Variants in RGS9 observed in about 807,000 individuals in gnomAD.
RGS9 encodes the protein regulator of G-protein signalling 9.
Under a neutral mutation model 102.0 loss-of-function variants are expected in RGS9, and 78 were observed. The observed-to-expected ratio is 0.76, with a 90% confidence interval of 0.64 to 0.92. The LOEUF (loss-of-function observed/expected upper bound fraction) is 0.92, where lower values mean the gene tolerates loss of function less well. RGS9 is among the 40% of genes least tolerant of loss of function. The pLI, the probability that RGS9 is intolerant of heterozygous loss-of-function variation, is 0.00. For synonymous variants in RGS9, 353 were observed against 318.6 expected (o/e 1.11, Z -1.15); for missense variants, 833 against 866.1 (o/e 0.96, Z 0.48).
At chr17:65,188,037 T>G (rs1264697947) in intron 9 of RGS9, among the ~76,000 whole-genome samples, 5 of 151,950 alleles carry the variant, frequency 3.3e-5, no homozygotes, top group African/African-American at 2.4e-5. Context: ...AAAAAGAGGC[T>G]CCTCTTGAAG....
intron 13 of RGS9, among the ~76,000 whole-genome samples, chr17:65,198,337 C>T (rs911445841): frequency 2.6e-5 from 4 of 151,938 alleles, no homozygotes; most frequent in Admixed American, 2.0e-4. Flanking sequence ...CTCACTGCAA[C>T]CATTGCCTCC....
chr17:65,219,160 G>A (rs1453428985), intron 17 of RGS9, among the ~76,000 whole-genome samples: 5 of 152,180 alleles, frequency 3.3e-5, no homozygotes, highest in Admixed American at 2.6e-4. Context: ...AGGGCTGTGT[G>A]CATTTGTGTG....
intron 2 of RGS9, among the ~76,000 whole-genome samples, chr17:65,157,200 A>T (rs546246980): frequency 8.5e-5 from 13 of 152,288 alleles, no homozygotes; most frequent in African/African-American, 3.1e-4. Context: ...CCATGCAGAC[A>T]GGCTTCCAGC....
chr17:65,226,501 G>A (rs1905686087), intron 18 of RGS9, among the ~76,000 whole-genome samples: 2 of 152,102 alleles, frequency 1.3e-5, no homozygotes, highest in African/African-American at 4.8e-5. Flanking sequence ...CCCTGCAGAG[G>A]GAATATTCCA....
At chr17:65,197,879 C>T (rs1223723869) in intron 13 of RGS9, among the ~76,000 whole-genome samples, 1 of 152,028 alleles carries the variant, frequency 6.6e-6, no homozygotes, top group Non-Finnish European at 1.5e-5. Context: ...CCATATTGGC[C>T]ACGCTGGTCT....
At chr17:65,216,497 C>T (rs770915830) in intron 17 of RGS9, among the ~76,000 whole-genome samples, 30 of 152,228 alleles carry the variant, frequency 2.0e-4, no homozygotes, top group Non-Finnish European at 2.6e-4. Context: ...ATTAGCCGGG[C>T]GTGGTGGCAG....
intron 8 of RGS9, among the ~76,000 whole-genome samples, chr17:65,176,775 C>T (rs1288705111): frequency 6.7e-6 from 1 of 148,826 alleles, no homozygotes; most frequent in Non-Finnish European, 1.5e-5. Context: ...ATCCGTCTAT[C>T]TCTTCACCTA....
intron 9 of RGS9, chr17:65,188,624 C>CT (rs1567879321): frequency 1.3e-5 from 2 of 152,224 alleles, no homozygotes; most frequent in African/African-American, 2.4e-5. Flanking sequence ...TCTCTTTTTT[C>CT]TTTTTTGAGA....
chr17:65,199,048 T>C (rs959106939), intron 13 of RGS9, among the ~76,000 whole-genome samples: 5 of 152,166 alleles, frequency 3.3e-5, no homozygotes, highest in Non-Finnish European at 5.9e-5. Flanking sequence ...ATTTAAACCG[T>C]ATTATTAGCA....
intron 13 of RGS9, among the ~76,000 whole-genome samples, chr17:65,199,303 A>G (rs1437361006): frequency 6.6e-6 from 1 of 152,076 alleles, no homozygotes; most frequent in African/African-American, 2.4e-5. Flanking sequence ...ATCATCTTCT[A>G]TTCCTGCTTC....
intron 13 of RGS9, among the ~76,000 whole-genome samples, chr17:65,197,706 G>A (rs7207771): frequency 0.011 from 1,573 of 149,668 alleles, 24 homozygotes; most frequent in African/African-American, 0.037. Context: ...GTCTTGCTGT[G>A]TCGCCCAGCC....
At chr17:65,189,228 T>C in intron 9 of RGS9, 58 bp from the exon 10 acceptor site, 1 of 1,457,492 alleles carries the variant, frequency 6.9e-7, no homozygotes, top group Non-Finnish European at 9.6e-7. Flanking sequence ...CAAATGGGTG[T>C]TTGAACTGTA....
chr17:65,210,665 C>T (rs778825958), intron 17 of RGS9, 60 bp downstream of exon 17: 1 of 1,605,352 alleles, frequency 6.2e-7, no homozygotes, highest in African/African-American at 1.3e-5. Context: ...CTAAATAAAT[C>T]TGTGATTCCT....
chr17:65,190,308 C>T (rs544075347), intron 11 of RGS9, 72 bp downstream of exon 11: 7 of 1,194,152 alleles, frequency 5.9e-6, no homozygotes, highest in African/African-American at 1.5e-5. Flanking sequence ...TCTGCAAACT[C>T]GACAAGTCCT....
chr17:65,179,964 T>C (rs1164644298), intron 9 of RGS9: 1 of 152,382 alleles, frequency 6.6e-6, no homozygotes, highest in Non-Finnish European at 1.5e-5. Flanking sequence ...TTTACCGTTA[T>C]CTTCTCTGTC....
chr17:65,147,587 C>CTTTTTTT (rs36062784), intron 1 of RGS9, among the ~76,000 whole-genome samples: 2,238 of 103,642 alleles, frequency 0.022, 337 homozygotes, highest in African/African-American at 0.097. Context: ...CTTTTAAAAA[C>CTTTTTTT]TTTTTTTTTT....
chr17:65,180,410 G>A (rs1035278844), intron 9 of RGS9, among the ~76,000 whole-genome samples: 3 of 152,048 alleles, frequency 2.0e-5, no homozygotes, highest in East Asian at 1.9e-4. Context: ...GTGCAGTGGC[G>A]TGATCTCGGC....
chr17:65,218,544 G>A (rs946099230), intron 17 of RGS9, among the ~76,000 whole-genome samples: 2 of 152,180 alleles, frequency 1.3e-5, no homozygotes. Flanking sequence ...ATTTTAGCTG[G>A]GTGGCTTTGA....
Position 65,201,988 on chromosome 17 carries a change from T to C in RGS9, c.977-5T>C, listed in dbSNP as rs199561607. ...CCTCATCCACGTGGACTTCTCACCA[T>C]GCAGGAGAGAATCTGGGATTCTGGG... On this transcript the variant is annotated splice_polypyrimidine_tract_variant and splice_region_variant and intron_variant, in intron 13 of 18. Coordinates refer to ENST00000262406, the MANE Select transcript of RGS9 (RefSeq NM_003835.4). 3.9e-5 allele frequency: 63 copies of C among 1,598,476 alleles called. No homozygotes were observed. The highest frequency in any genetic ancestry group is 5.1e-5 in the Non-Finnish European group (60 of 1,165,938).
Sources: allele counts gnomAD v4.1 joint callset (sites outside exome capture counted in the v4.1 genomes callset), GRCh38; gene constraint gnomAD v4.1.1; transcripts MANE v1.5; gene names NCBI Gene and HGNC (gene_info 2026-07-23, HGNC 2026-07-21).